The following CD151 variants were observed in gnomAD, a reference collection of about 807,000 sequenced individuals.
CD151 encodes the protein CD151 molecule (Raph blood group), also known as CD151 antigen.
CD151 carries 20 observed loss-of-function variants against 34.2 expected under a neutral mutation model. The ratio of observed to expected loss-of-function variants is 0.58; its 90% CI spans 0.41 to 0.85. The LOEUF (loss-of-function observed/expected upper bound fraction) is 0.85. Among genes scored for constraint, CD151 ranks in the 40% least tolerant of loss-of-function variants. The pLI, the probability that CD151 is intolerant of heterozygous loss-of-function variation, is 0.00. For synonymous variants in CD151, 157 were observed against 131.7 expected, an observed-to-expected ratio of 1.19 and a Z score of -1.32; for missense variants, 306 against 324.5, an observed-to-expected ratio of 0.94 and a Z score of 0.44.
chr11:838,146 TCTTC>T lies in CD151; in HGVS notation c.717_720del (p.Phe240ArgfsTer27), dbSNP rs1316044651. ...CTCTGCACACAGGTCTTTGGCATGA[TCTTC>T]ACGTGCTGCCTGTACAGGAGTCTCA... is the stretch of plus-strand genomic sequence containing the variant. On this transcript the variant is annotated frameshift_variant, in exon 9 of 9. Transcript: ENST00000397420. LOFTEE classifies it high-confidence loss of function. 3 of 1,613,214 alleles carry T rather than the reference TCTTC, an allele frequency of 1.9e-6. No individual in the cohort carries two copies. In the Admixed American group the frequency reaches 5.0e-5, roughly 27 times the overall value.
rs777391775 is a variant in CD151, at chr11:836,787, A to G, written c.295A>G (p.Ile99Val). The change falls in exon 5 of 9, where the codon ATC becomes GTC. Residue 99 changes from isoleucine to valine, a missense_variant. Coordinates refer to ENST00000397420, the MANE Select transcript of CD151 (RefSeq NM_004357.5). ...CCCCCAGTACTTCATCCTGCTCCTCATCATCTTTCTGCTGGAGATCATCGC... is the reference window on the plus strand; with the variant it reads ...CCCCCAGTACTTCATCCTGCTCCTCGTCATCTTTCTGCTGGAGATCATCGC... ...LLRLYFILLL[I>V]IFLLEIIAGI... 14 of 1,612,658 alleles carry G rather than the reference A, an allele frequency of 8.7e-6. No homozygotes were observed. The highest frequency in any genetic ancestry group is 1.1e-5 in the Non-Finnish European group (13 of 1,179,888).
Position 836,863 on chromosome 11 carries a change from C to G in CD151, c.351+20C>G. On this transcript the variant is annotated intron_variant, in intron 5 of 8. Coordinates refer to ENST00000397420, the MANE Select transcript of CD151 (RefSeq NM_004357.5). ...CAGCAGGTGAGGGGCCTGGGCAGGC[C>G]ATTCAGAGACACAGACATGCACAGG... The G allele has an allele frequency of 6.2e-7, 1 of 1,607,442 alleles. No individual in the cohort carries two copies. The highest frequency in any genetic ancestry group is 8.5e-7 in the Non-Finnish European group (1 of 1,175,192).
rs940069283 is a variant in CD151, at chr11:838,476, G to T, written c.*284G>T. 86 of 557,562 alleles carry T rather than the reference G, an allele frequency of 1.5e-4. 1 individual carries two copies. Among genetic ancestry groups the T allele is most frequent in the African/African-American group, 1.4e-3 (77 of 53,104 alleles). 34.5% of individuals were successfully genotyped at this position (557,562 alleles called of 1,614,324 possible). On this transcript the variant is annotated 3_prime_UTR_variant, in exon 9 of 9. Transcript: ENST00000397420. Reference sequence around the variant, plus strand: ...GTTGGAAGGGGCCTTGCTGAGTGGCGCAAGGCCGAGCGTTCCCAGCAGGGG... The same window carrying T: ...GTTGGAAGGGGCCTTGCTGAGTGGCTCAAGGCCGAGCGTTCCCAGCAGGGG...
At position 838,483 on chromosome 11, in the gene CD151, C is replaced by T. The variant is rs577572410; in HGVS notation, c.*291C>T. On this transcript the variant is annotated 3_prime_UTR_variant, in exon 9 of 9. Coordinates refer to ENST00000397420, the MANE Select transcript of CD151 (RefSeq NM_004357.5). ...GGGGCCTTGCTGAGTGGCGCAAGGC[C>T]GAGCGTTCCCAGCAGGGGGAGAAAC... 22 of 546,082 alleles carry T rather than the reference C, an allele frequency of 4.0e-5. No individual in the cohort carries two copies. Among genetic ancestry groups the T allele is most frequent in the East Asian group, 9.3e-5 (3 of 32,104 alleles). The allele number at this position is 546,082 out of a possible 1,614,324, so 33.8% of individuals were successfully genotyped here. A position where few individuals can be genotyped will look rare whatever the true frequency, so the allele number is the denominator to read the frequency against.
chr11:838,545 G>T lies in CD151; in HGVS notation c.*353G>T, dbSNP rs1846870191. 5.4e-6 allele frequency: 2 copies of T among 367,818 alleles called. No homozygotes were observed. Among genetic ancestry groups the T allele is most frequent in the Non-Finnish European group, 5.0e-6 (1 of 198,706 alleles). The allele number at this position is 367,818 out of a possible 1,614,324, so 22.8% of individuals were successfully genotyped here. On this transcript the variant is annotated 3_prime_UTR_variant, in exon 9 of 9. Coordinates refer to ENST00000397420, the MANE Select transcript of CD151 (RefSeq NM_004357.5). ...CAGGCCCTTCAGGAACTGGGGCCTT[G>T]CCTTGCAGCCACATGGCCCCATCCC...
chr11:836,545 G>T (rs1230595711), intron 4 of CD151, 103 bp downstream of exon 4: 5 of 933,780 alleles, frequency 5.4e-6, no homozygotes, highest in African/African-American at 3.3e-5. Flanking sequence ...CACCTGGGGG[G>T]GGGGTCACGG....
intron 1 of CD151, among the ~76,000 whole-genome samples, chr11:833,327 A>G (rs28648546): frequency 0.71 from 107,532 of 152,098 alleles, 38,708 homozygotes; most frequent in East Asian, 0.9. Context: ...GGCCCCCTTC[A>G]GCCCAGGGGT....
intron 1 of CD151, chr11:834,017 G>A (rs951398569): frequency 7.2e-5 from 11 of 152,352 alleles, no homozygotes; most frequent in Admixed American, 5.9e-4. Context: ...GTGGGGGAAG[G>A]GCCAGTGATG....
intron 3 of CD151, 29 bp downstream of exon 3, chr11:836,182 C>G (rs760573926): frequency 1.4e-6 from 2 of 1,407,420 alleles, no homozygotes; most frequent in Non-Finnish European, 2.0e-6. Flanking sequence ...GCCCCCACCC[C>G]CACCCCCACC....
rs1666718156 is a variant in CD151, at chr11:838,140, G to GCTGCCTGTA, written c.711_712insTGCCTGTAC (p.Gly237_Met238insCysLeuTyr). On this transcript the variant is annotated inframe_insertion, in exon 9 of 9. Coordinates refer to ENST00000397420, the MANE Select transcript of CD151 (RefSeq NM_004357.5). ...ACCCGGCTCTGCACACAGGTCTTTG[G>GCTGCCTGTA]CATGATCTTCACGTGCTGCCTGTAC... 6.2e-7 allele frequency: 1 copy of GCTGCCTGTA among 1,613,236 alleles called. No individual in the cohort carries two copies. The highest frequency in any genetic ancestry group is 1.3e-5 in the African/African-American group (1 of 75,028).
chr11:836,607 C>G, intron 4 of CD151, 162 bp from the exon 5 acceptor site: 1 of 845,128 alleles, frequency 1.2e-6, no homozygotes, highest in Non-Finnish European at 1.9e-6. Context: ...GCTGGACCAG[C>G]TGAGGGAAGA....
At position 838,343 on chromosome 11, in the gene CD151, T is replaced by G; in HGVS notation, c.*151T>G. The G allele has an allele frequency of 9.3e-6, 5 of 537,820 alleles. No homozygotes were observed. The highest frequency in any genetic ancestry group is 1.7e-5 in the Non-Finnish European group (5 of 301,036). The allele number at this position is 537,820 out of a possible 1,614,324, so 33.3% of individuals were successfully genotyped here. On this transcript the variant is annotated 3_prime_UTR_variant, in exon 9 of 9. Transcript: ENST00000397420. ...AGAGGCAGCTTCAAGTGCCTTTTGC[T>G]GCGCACCAATGCCCAGCAGGGGAGG...
rs574936988 is a variant in CD151, at chr11:834,206, A to T, written c.-69-324A>T. The T allele has an allele frequency of 4.6e-5, 7 of 152,290 alleles. No individual in the cohort carries two copies. The East Asian group carries it at 1.4e-3, about 29-fold the overall frequency. The allele number at this position is 152,290 out of a possible 1,614,324, so 9.4% of individuals were successfully genotyped here. A position where few individuals can be genotyped will look rare whatever the true frequency, so the allele number is the denominator to read the frequency against. Reference sequence around the variant, plus strand: ...AAACTCTGTCTGTACTAAAAATACAAACATTAGCTGGGCGTGGTGGTGGGT... The same window carrying T: ...AAACTCTGTCTGTACTAAAAATACATACATTAGCTGGGCGTGGTGGTGGGT... On this transcript the variant is annotated intron_variant, in intron 1 of 8. Coordinates refer to ENST00000397420, the MANE Select transcript of CD151 (RefSeq NM_004357.5).
chr11:833,574 C>T (rs1846623621), intron 1 of CD151, among the ~76,000 whole-genome samples: 1 of 152,224 alleles, frequency 6.6e-6, no homozygotes, highest in African/African-American at 2.4e-5. Context: ...GGGCCTGGTG[C>T]AGGTCCCGGG....
chr11:837,182 G>C (rs977410291), intron 5 of CD151, 68 bp from the exon 6 acceptor site: 1 of 1,353,482 alleles, frequency 7.4e-7, no homozygotes, highest in Non-Finnish European at 1.1e-6. Flanking sequence ...CGGCCATCCT[G>C]GGGCTCTGCC....
intron 4 of CD151, 154 bp downstream of exon 4, chr11:836,596 T>C (rs2133960212): frequency 1.2e-6 from 1 of 840,058 alleles, no homozygotes; most frequent in Non-Finnish European, 1.9e-6. Flanking sequence ...CCCACGTTCC[T>C]GCTGGACCAG....
At chr11:835,842 C>T (rs534582335) in intron 2 of CD151, 42 of 492,808 alleles carry the variant, frequency 8.5e-5, no homozygotes, top group African/African-American at 2.1e-4. Context: ...CGCCCGCCAC[C>T]ACGCCCGGCT....
intron 2 of CD151, chr11:835,726 C>T (rs962522801): frequency 3.1e-5 from 7 of 224,988 alleles, no homozygotes; most frequent in South Asian, 1.5e-4. Context: ...CTCACTCTGT[C>T]GCCCAGGCTG....
intron 4 of CD151, 162 bp downstream of exon 4, chr11:836,604 C>A: frequency 1.2e-6 from 1 of 835,788 alleles, no homozygotes; most frequent in Non-Finnish European, 1.9e-6. Context: ...CCTGCTGGAC[C>A]AGCTGAGGGA....
Sources: allele counts gnomAD v4.1 joint callset (sites outside exome capture counted in the v4.1 genomes callset), GRCh38; gene constraint gnomAD v4.1.1; transcripts MANE v1.5; gene names NCBI Gene and HGNC (gene_info 2026-07-23, HGNC 2026-07-21).